Variants in UBE2Q2 observed in about 807,000 individuals in gnomAD.
UBE2Q2 encodes the protein ubiquitin conjugating enzyme E2 Q2.
In UBE2Q2, 54 loss-of-function variants were observed where a neutral mutation model predicts 59.9. That is an observed-to-expected ratio of 0.90 (90% confidence interval 0.72 to 1.13). The LOEUF is 1.13. Among genes scored for constraint, UBE2Q2 ranks in the 50% most tolerant of loss-of-function variants. The pLI, the probability that UBE2Q2 is intolerant of heterozygous loss-of-function variation, is 0.00. For synonymous variants in UBE2Q2, 165 were observed against 155.2 expected (o/e 1.06, Z -0.47); for missense variants, 433 against 441.9 (o/e 0.98, Z 0.18).
At chr15:75,872,533 C>A in intron 4 of UBE2Q2, among the ~76,000 whole-genome samples, 2 of 114,768 alleles carry the variant, frequency 1.7e-5, no homozygotes, top group African/African-American at 3.3e-5. Context: ...TTTTCTTTTC[C>A]TTTTTTTTTT....
At chr15:75,884,395 A>G (rs1159687571) in intron 9 of UBE2Q2, among the ~76,000 whole-genome samples, 1 of 152,198 alleles carries the variant, frequency 6.6e-6, no homozygotes. Context: ...TTGTTCCTAC[A>G]GTTATTTTTA....
At chr15:75,867,030 C>T (rs1410497644) in intron 3 of UBE2Q2, among the ~76,000 whole-genome samples, 1 of 152,246 alleles carries the variant, frequency 6.6e-6, no homozygotes, top group Non-Finnish European at 1.5e-5. Flanking sequence ...GATCAGTATC[C>T]ATTGTTGACC....
chr15:75,854,631 C>G, intron 2 of UBE2Q2, 144 bp downstream of exon 2: 1 of 519,208 alleles, frequency 1.9e-6, no homozygotes, highest in East Asian at 3.3e-5. Context: ...TGTTTTTTTT[C>G]CTTCAAATTC....
intron 3 of UBE2Q2, among the ~76,000 whole-genome samples, chr15:75,868,208 T>C (rs1897603603): frequency 2.0e-5 from 3 of 152,238 alleles, no homozygotes; most frequent in Admixed American, 1.3e-4. Flanking sequence ...TTCTGTGTTC[T>C]AACCTGAACT....
intron 1 of UBE2Q2, among the ~76,000 whole-genome samples, chr15:75,848,660 G>C (rs1441783145): frequency 4.7e-5 from 7 of 149,814 alleles, no homozygotes; most frequent in Non-Finnish European, 1.0e-4. Context: ...TTAGTATCTT[G>C]ATTTTTTTTT....
intron 1 of UBE2Q2, among the ~76,000 whole-genome samples, chr15:75,845,056 T>C (rs987948677): frequency 2.6e-5 from 4 of 152,116 alleles, no homozygotes; most frequent in African/African-American, 9.7e-5. Context: ...TGTTGCAGAA[T>C]TGAGTGAAGT....
At chr15:75,868,101 T>C (rs576092641) in intron 3 of UBE2Q2, among the ~76,000 whole-genome samples, 1 of 152,342 alleles carries the variant, frequency 6.6e-6, no homozygotes, top group South Asian at 2.1e-4. Flanking sequence ...TTGAGAATTA[T>C]TCCATCAGAG....
At chr15:75,868,834 T>C (rs1897636976) in intron 3 of UBE2Q2, 117 bp from the exon 4 acceptor site, 13 of 755,700 alleles carry the variant, frequency 1.7e-5, no homozygotes, top group Non-Finnish European at 2.9e-5. Flanking sequence ...TAATAAACTG[T>C]CTGGTAGTGG....
At chr15:75,862,681 G>A (rs1320445681) in intron 3 of UBE2Q2, among the ~76,000 whole-genome samples, 1 of 151,602 alleles carries the variant, frequency 6.6e-6, no homozygotes, top group East Asian at 1.9e-4. Context: ...TGGGTATGGT[G>A]GCACCTGCCT....
rs769652174 is a variant in UBE2Q2, at chr15:75,844,447, T to A, written c.180+601T>A. On this transcript the variant is annotated intron_variant, in intron 1 of 12. Coordinates refer to ENST00000267938, the MANE Select transcript of UBE2Q2 (RefSeq NM_173469.4). ...TCCCCCGGGCCTGGCTGCGCGCTGC[T>A]GTGTTCTGGAAAGGAGCATAGTACC... 17 of 1,551,460 alleles carry A rather than the reference T, an allele frequency of 1.1e-5. No homozygotes were observed. The African/African-American group carries it at 1.6e-4, about 15-fold the overall frequency.
At chr15:75,860,102 C>G (rs1023331303) in intron 3 of UBE2Q2, 120 bp downstream of exon 3, 1 of 746,486 alleles carries the variant, frequency 1.3e-6, no homozygotes, top group African/African-American at 1.8e-5. Context: ...ATTTTTGTTC[C>G]TATTGAATTG....
In UBE2Q2 at chr15:75,889,623, A is replaced by T. The variant is rs113872491; in HGVS notation, c.885-812A>T. 8.4e-3 allele frequency among the ~76,000 whole-genome samples: 1,284 copies of T among 152,254 alleles called. 15 individuals carry two copies. Among genetic ancestry groups the T allele is most frequent in the African/African-American group, 0.029 (1,213 of 41,530 alleles). On this transcript the variant is annotated intron_variant, in intron 9 of 12. Coordinates refer to ENST00000267938, the MANE Select transcript of UBE2Q2 (RefSeq NM_173469.4). ...TGGGCAGAGCCCCGGAGGACAGAAC[A>T]ATTTGTGGTGGACTTGGTGTCCACA...
intron 9 of UBE2Q2, among the ~76,000 whole-genome samples, chr15:75,886,406 A>ATGAG (rs1567039598): frequency 2.6e-5 from 4 of 152,116 alleles, no homozygotes; most frequent in Non-Finnish European, 5.9e-5. Context: ...GGCATGAGCC[A>ATGAG]CTGCCTGGCC....
At chr15:75,857,845 T>C (rs1408174086) in intron 2 of UBE2Q2, among the ~76,000 whole-genome samples, 1 of 152,094 alleles carries the variant, frequency 6.6e-6, no homozygotes, top group African/African-American at 2.4e-5. Flanking sequence ...GCATAAAATA[T>C]TGTGTATAAT....
chr15:75,851,464 T>C (rs1356701489), intron 1 of UBE2Q2, among the ~76,000 whole-genome samples: 1 of 152,148 alleles, frequency 6.6e-6, no homozygotes, highest in Non-Finnish European at 1.5e-5. Flanking sequence ...CAAAATACAT[T>C]CATCAATATT....
intron 9 of UBE2Q2, 104 bp from the exon 10 acceptor site, chr15:75,890,331 C>T (rs1350522243): frequency 2.5e-6 from 2 of 800,452 alleles, no homozygotes; most frequent in East Asian, 5.1e-5. Flanking sequence ...ATGTTATTTT[C>T]TCATCCTTAC....
intron 12 of UBE2Q2, among the ~76,000 whole-genome samples, chr15:75,898,283 TG>T (rs1326328796): frequency 1.3e-5 from 2 of 152,120 alleles, no homozygotes; most frequent in Non-Finnish European, 2.9e-5. Context: ...TGAGAGTGTG[TG>T]GGTATGTGTA....
chr15:75,843,773 G>A lies in UBE2Q2; in HGVS notation c.107G>A (p.Cys36Tyr). 6.2e-7 allele frequency: 1 copy of A among 1,610,048 alleles called. No individual in the cohort carries two copies. Among genetic ancestry groups the A allele is most frequent in the South Asian group, 1.1e-5 (1 of 90,454 alleles). The change falls in exon 1 of 13, where the codon TGC (cysteine) becomes TAC (tyrosine). Residue 36 changes from cysteine (C) to tyrosine (Y), a missense_variant. Cys to Tyr is a radical substitution (Grantham distance 194, BLOSUM62 -2). Transcript: ENST00000267938. ...IVSWKLDELH[C>Y]QFLVPQQGSP... Reference sequence around the variant, plus strand: ...AGTTGGAAGCTGGACGAGCTGCACTGCCAGTTCCTGGTGCCGCAGCAGGGC... The same window carrying A: ...AGTTGGAAGCTGGACGAGCTGCACTACCAGTTCCTGGTGCCGCAGCAGGGC...
chr15:75,855,541 T>C (rs1421990245), intron 2 of UBE2Q2, among the ~76,000 whole-genome samples: 1 of 152,020 alleles, frequency 6.6e-6, no homozygotes, highest in Admixed American at 6.6e-5. Flanking sequence ...ACAGTCTTTA[T>C]AGAAAAATAA....
Sources: allele counts gnomAD v4.1 joint callset (sites outside exome capture counted in the v4.1 genomes callset), GRCh38; gene constraint gnomAD v4.1.1; transcripts MANE v1.5; gene names NCBI Gene and HGNC (gene_info 2026-07-23, HGNC 2026-07-21).